ATP8A2: variants seen among roughly 807,000 people sequenced by gnomAD.
The protein encoded by ATP8A2 is ATPase phospholipid transporting 8A2.
ATP8A2 carries 100 observed loss-of-function variants against 165.6 expected under a neutral mutation model. The observed-to-expected ratio is 0.60, with a 90% CI of 0.51 to 0.71. The LOEUF (loss-of-function observed/expected upper bound fraction) is 0.71. Ranked by LOEUF, ATP8A2 falls within the 30% of genes least tolerant of loss-of-function variation. The probability of loss-of-function intolerance (pLI) is 0.00; values close to 1 mark genes in which losing one functional copy is unlikely to be tolerated. For missense variants in ATP8A2, 1,227 were observed against 1,479.5 expected (o/e 0.83, Z 2.80); for synonymous variants, 543 against 548.8 (o/e 0.99, Z 0.15).
At chr13:25,518,614 T>C (rs897670029) in intron 2 of ATP8A2, among the ~76,000 whole-genome samples, 1 of 152,162 alleles carries the variant, frequency 6.6e-6, no homozygotes, top group African/African-American at 2.4e-5. Flanking sequence ...GTCTTTTAAA[T>C]CGGTCTCTGG....
intron 35 of ATP8A2, among the ~76,000 whole-genome samples, chr13:25,982,010 A>T (rs973065466): frequency 3.9e-5 from 6 of 152,204 alleles, no homozygotes; most frequent in African/African-American, 1.4e-4. Context: ...TAGTTCTCCC[A>T]TATCTATTTT....
chr13:25,421,988 C>T (rs181291490), intron 1 of ATP8A2, among the ~76,000 whole-genome samples: 16 of 152,300 alleles, frequency 1.1e-4, no homozygotes, highest in African/African-American at 3.4e-4. Context: ...CTGCTCGTTA[C>T]GTCCTCCCTA....
intron 1 of ATP8A2, among the ~76,000 whole-genome samples, chr13:25,453,384 C>T (rs752244745): frequency 2.0e-5 from 3 of 152,078 alleles, no homozygotes; most frequent in Non-Finnish European, 2.9e-5. Context: ...CCTCAGCCTC[C>T]CAAAGTACTG....
chr13:25,545,695 C>T (rs181832934), intron 10 of ATP8A2, among the ~76,000 whole-genome samples: 8 of 152,232 alleles, frequency 5.3e-5, no homozygotes, highest in Admixed American at 1.3e-4. Flanking sequence ...AGTGTGGTGG[C>T]GCGATCTTGG....
intron 24 of ATP8A2, among the ~76,000 whole-genome samples, chr13:25,631,280 C>T (rs76944699): frequency 0.034 from 5,251 of 152,208 alleles, 157 homozygotes; most frequent in East Asian, 0.13. Context: ...GTGGCTAGTG[C>T]AACCGAGGAA....
intron 24 of ATP8A2, among the ~76,000 whole-genome samples, chr13:25,682,506 AT>A (rs2042513154): frequency 1.3e-5 from 2 of 152,008 alleles, no homozygotes; most frequent in African/African-American, 4.8e-5. Flanking sequence ...TACGAGAGTA[AT>A]TTTCTCCACC....
At chr13:25,855,027 G>C (rs1032258761) in intron 30 of ATP8A2, among the ~76,000 whole-genome samples, 3 of 152,044 alleles carry the variant, frequency 2.0e-5, no homozygotes, top group East Asian at 3.9e-4. Context: ...AAGGCAGGTG[G>C]ATCACCTGAG....
rs555600155 is a variant in ATP8A2, at chr13:25,561,174, T to G, written c.1397+1409T>G. Among the ~76,000 whole-genome samples, 5 of 152,288 alleles carry G rather than the reference T, an allele frequency of 3.3e-5. 1 individual carries two copies. In the South Asian group the frequency reaches 1.0e-3, roughly 32 times the overall value. On this transcript the variant is annotated intron_variant, in intron 15 of 36. Transcript: ENST00000381655. ...TGAATTTTTTCCATTATTTTGGACA[T>G]TCATTGGACCACCAGTGGGCCATTC... is the stretch of plus-strand genomic sequence containing the variant.
At position 25,706,879 on chromosome 13, in the gene ATP8A2, A is replaced by T. The variant is rs559762128; in HGVS notation, c.2384+7534A>T. Among the ~76,000 whole-genome samples the T allele has an allele frequency of 3.3e-5, 5 of 152,242 alleles. No homozygotes were observed. The East Asian group carries it at 9.6e-4, about 29-fold the overall frequency. On this transcript the variant is annotated intron_variant, in intron 25 of 36. Transcript: ENST00000381655. ...AATTCACTTTTAGATAGGTTTTTTT[A>T]AATTTAACTCTAACATGAATGCTAT...
chr13:25,906,900 A>T (rs1008549635), intron 33 of ATP8A2, among the ~76,000 whole-genome samples: 1 of 152,158 alleles, frequency 6.6e-6, no homozygotes, highest in Admixed American at 6.5e-5. Flanking sequence ...GATAGAAAAG[A>T]CTCACGAAAC....
At chr13:25,868,586 T>C (rs1192821963) in intron 33 of ATP8A2, among the ~76,000 whole-genome samples, 2 of 152,188 alleles carry the variant, frequency 1.3e-5, no homozygotes, top group Non-Finnish European at 2.9e-5. Context: ...TGAGACTCAT[T>C]TGCAAGAAGT....
intron 24 of ATP8A2, chr13:25,648,914 C>T (rs561944499): frequency 5.8e-5 from 24 of 411,204 alleles, no homozygotes; most frequent in African/African-American, 1.4e-4. Context: ...ATGAATATGG[C>T]GGGCTGACTA....
rs577074459 is a variant in ATP8A2 at position 25,891,677 on chromosome 13, A to G, written c.3183+29269A>G. Among the ~76,000 whole-genome samples the G allele has an allele frequency of 7.0e-4, 107 of 152,126 alleles. 1 individual carries two copies. The Middle Eastern group carries it at 0.01, about 15-fold the overall frequency. On this transcript the variant is annotated intron_variant, in intron 33 of 36. Transcript: ENST00000381655. ...ATCCCTATTAACTGATAATTTATCT[A>G]TTCATTAGGGGGCTCTGTGAGGTGG... is the stretch of plus-strand genomic sequence containing the variant.
chr13:25,480,756 C>T (rs778841064), intron 2 of ATP8A2, among the ~76,000 whole-genome samples: 1,626 of 150,824 alleles, frequency 0.011, 33 homozygotes, highest in African/African-American at 0.038. Context: ...GACGGGGTGG[C>T]GGCCGGGCAG....
chr13:25,720,705 C>T (rs904202534), intron 25 of ATP8A2, among the ~76,000 whole-genome samples: 7 of 152,188 alleles, frequency 4.6e-5, no homozygotes, highest in African/African-American at 1.7e-4. Context: ...CATTTCTCCT[C>T]ATCCTCGTCC....
intron 1 of ATP8A2, among the ~76,000 whole-genome samples, chr13:25,408,923 G>T (rs1231655158): frequency 6.6e-6 from 1 of 152,216 alleles, no homozygotes. Context: ...AACATGCAAA[G>T]AATTATAATA....
intron 19 of ATP8A2, among the ~76,000 whole-genome samples, chr13:25,575,505 T>C (rs2039591967): frequency 6.6e-6 from 1 of 152,260 alleles, no homozygotes; most frequent in Admixed American, 6.5e-5. Flanking sequence ...AAAGTTCTGT[T>C]GCTATCTCAA....
intron 1 of ATP8A2, among the ~76,000 whole-genome samples, chr13:25,410,380 C>T (rs2138057789): frequency 6.6e-6 from 1 of 152,318 alleles, no homozygotes; most frequent in South Asian, 2.1e-4. Context: ...TCTATTCCTA[C>T]ATAGAAGTTA....
At chr13:25,982,242 T>A (rs142171280) in intron 35 of ATP8A2, among the ~76,000 whole-genome samples, 54 of 152,384 alleles carry the variant, frequency 3.5e-4, no homozygotes, top group African/African-American at 1.2e-3. Context: ...TATGGAACTT[T>A]GGGCTTATTG....
Sources: gnomAD v4.1 joint callset for allele counts (sites outside exome capture counted in the v4.1 genomes callset) on GRCh38, gnomAD v4.1.1 for gene constraint, MANE v1.5 for transcripts, NCBI Gene and HGNC (gene_info 2026-07-23, HGNC 2026-07-21) for gene names.